LMX1A: variants seen among roughly 807,000 people sequenced by gnomAD.
The protein encoded by LMX1A is LIM homeobox transcription factor 1 alpha.
A neutral mutation model predicts 49.1 loss-of-function variants in LMX1A; 15 were observed. The observed-to-expected ratio is 0.31, with a 90% CI of 0.20 to 0.47. LMX1A has a LOEUF of 0.47. LMX1A is among the 20% of genes least tolerant of loss of function. LMX1A has a pLI of 1.00. For missense variants in LMX1A, 372 were observed against 475.8 expected (o/e 0.78, Z 2.03); for synonymous variants, 167 against 185.7 (o/e 0.90, Z 0.82).
At chr1:165,276,295 T>G (rs1031459687) in intron 3 of LMX1A, among the ~76,000 whole-genome samples, 5 of 152,208 alleles carry the variant, frequency 3.3e-5, no homozygotes, top group Non-Finnish European at 7.3e-5. Context: ...CCTTGTCTGA[T>G]ACTGAGAGCC....
intron 3 of LMX1A, among the ~76,000 whole-genome samples, chr1:165,312,474 G>T (rs758898699): frequency 6.6e-6 from 1 of 151,960 alleles, no homozygotes; most frequent in Non-Finnish European, 1.5e-5. Context: ...CATGAGTCTA[G>T]CTGGGCTCTA....
intron 5 of LMX1A, among the ~76,000 whole-genome samples, chr1:165,212,111 A>G (rs1189200941): frequency 6.6e-6 from 1 of 152,234 alleles, no homozygotes; most frequent in Non-Finnish European, 1.5e-5. Context: ...CAAGGGCAGA[A>G]AAAGTGAGTC....
At chr1:165,331,916 C>T (rs548663240) in intron 3 of LMX1A, among the ~76,000 whole-genome samples, 1 of 150,916 alleles carries the variant, frequency 6.6e-6, no homozygotes, top group Non-Finnish European at 1.5e-5. Context: ...GACACGGTCT[C>T]GAAAAAATAA....
chr1:165,229,272 AC>A (rs368600360), intron 4 of LMX1A, among the ~76,000 whole-genome samples: 94 of 152,332 alleles, frequency 6.2e-4, no homozygotes, highest in African/African-American at 2.1e-3. Flanking sequence ...TGCTTAAGGT[AC>A]CCAAGTCCTC....
In LMX1A at chr1:165,205,897, G is replaced by A. The variant is rs775556401; in HGVS notation, c.955C>T (p.Pro319Ser). 1.2e-6 allele frequency: 2 copies of A among 1,614,116 alleles called. No individual in the cohort carries two copies. The highest frequency in any genetic ancestry group is 3.3e-5 in the Admixed American group (2 of 60,028). The change falls in exon 8 of 9, where the codon CCC becomes TCC. Residue 319 changes from proline (P) to serine (S), a missense_variant. Around this residue, in one of 3 missense-constraint regions of LMX1A, gnomAD observed 127 missense variants for 138.0 expected, o/e 0.92. Transcript: ENST00000342310. ...TGCATGTGGTCTCCAGGCATCTGGG[G>A]TGGGGTGAGACCCTGTCGGAAGGGA... is the stretch of plus-strand genomic sequence containing the variant. The part of the protein sequence containing the change: ...SDPFRQGLTP[P>S]QMPGDHMHPY...
chr1:165,229,730 T>C (rs201639623), intron 4 of LMX1A, among the ~76,000 whole-genome samples: 1 of 150,930 alleles, frequency 6.6e-6, no homozygotes, highest in Non-Finnish European at 1.5e-5. Flanking sequence ...TTTGTTTTTT[T>C]GTTTTTTGTT....
intron 3 of LMX1A, among the ~76,000 whole-genome samples, chr1:165,303,493 G>C (rs1654841437): frequency 6.6e-6 from 1 of 152,220 alleles, no homozygotes; most frequent in Non-Finnish European, 1.5e-5. Flanking sequence ...AGATGAGAAG[G>C]GGGAAGTACA....
chr1:165,241,785 G>T (rs1228420984), intron 4 of LMX1A, among the ~76,000 whole-genome samples: 1 of 152,178 alleles, frequency 6.6e-6, no homozygotes, highest in Non-Finnish European at 1.5e-5. Flanking sequence ...CAGGGTAGAT[G>T]AAATACTTTT....
intron 3 of LMX1A, among the ~76,000 whole-genome samples, chr1:165,297,489 T>C (rs1050721888): frequency 6.6e-6 from 1 of 152,220 alleles, no homozygotes; most frequent in African/African-American, 2.4e-5. Flanking sequence ...ACAAAGTCTC[T>C]GGCTGTCCTC....
intron 4 of LMX1A, among the ~76,000 whole-genome samples, chr1:165,231,821 T>A (rs529169732): frequency 1.3e-5 from 2 of 152,316 alleles, no homozygotes; most frequent in South Asian, 4.1e-4. Context: ...ATAATTTGAG[T>A]ATTCTAACAC....
intron 3 of LMX1A, among the ~76,000 whole-genome samples, chr1:165,314,045 T>C (rs1032928218): frequency 6.6e-6 from 1 of 152,056 alleles, no homozygotes; most frequent in Non-Finnish European, 1.5e-5. Flanking sequence ...ACCCCACAGC[T>C]ATGGGAAGGA....
At chr1:165,234,098 A>C (rs1652334399) in intron 4 of LMX1A, among the ~76,000 whole-genome samples, 1 of 152,178 alleles carries the variant, frequency 6.6e-6, no homozygotes, top group Non-Finnish European at 1.5e-5. Context: ...ATCAGAGTAT[A>C]TTCAAATAAG....
At chr1:165,336,191 T>C (rs924193782) in intron 3 of LMX1A, among the ~76,000 whole-genome samples, 7 of 151,792 alleles carry the variant, frequency 4.6e-5, no homozygotes, top group African/African-American at 1.4e-4. Context: ...ATCCCTATTG[T>C]CAGGGGTGGG....
chr1:165,296,572 G>C (rs1654628252), intron 3 of LMX1A, among the ~76,000 whole-genome samples: 1 of 152,224 alleles, frequency 6.6e-6, no homozygotes, highest in Non-Finnish European at 1.5e-5. Context: ...AGAATTAACT[G>C]CTCCTTCCCC....
chr1:165,260,743 A>G (rs1653409041), intron 3 of LMX1A, among the ~76,000 whole-genome samples: 1 of 152,174 alleles, frequency 6.6e-6, no homozygotes, highest in African/African-American at 2.4e-5. Context: ...AGGGTCACCC[A>G]GTCTTGTAGG....
chr1:165,242,485 T>G (rs1342700186), intron 4 of LMX1A, among the ~76,000 whole-genome samples: 2 of 151,550 alleles, frequency 1.3e-5, no homozygotes, highest in Non-Finnish European at 2.9e-5. Context: ...AAAAAGCATT[T>G]GGATCCCATG....
chr1:165,339,970 C>T (rs1380992826), intron 3 of LMX1A, among the ~76,000 whole-genome samples: 1 of 152,100 alleles, frequency 6.6e-6, no homozygotes, highest in Non-Finnish European at 1.5e-5. Flanking sequence ...GGTATCTTTG[C>T]CCCCCATCTT....
intron 4 of LMX1A, among the ~76,000 whole-genome samples, chr1:165,225,278 C>G (rs1651993633): frequency 6.6e-6 from 1 of 152,210 alleles, no homozygotes; most frequent in South Asian, 2.1e-4. Context: ...TTGGTGAGAA[C>G]ACAAGATTAA....
chr1:165,343,395 AAAT>A (rs56236301), intron 3 of LMX1A, among the ~76,000 whole-genome samples: 10,039 of 149,108 alleles, frequency 0.067, 395 homozygotes, highest in South Asian at 0.15. Context: ...ACTCATATAT[AAAT>A]AATAATAATA....
Sources: gnomAD v4.1 joint callset for allele counts (sites outside exome capture counted in the v4.1 genomes callset) on GRCh38, gnomAD v4.1.1 for gene constraint, gnomAD v4.1.1 regional missense constraint, MANE v1.5 for transcripts, NCBI Gene and HGNC (gene_info 2026-07-23, HGNC 2026-07-21) for gene names.